JAKMIP2: variants seen among roughly 807,000 people sequenced by gnomAD.
JAKMIP2 encodes the protein janus kinase and microtubule-interacting protein 2.
JAKMIP2 carries 25 observed loss-of-function variants against 115.0 expected under a neutral mutation model. The observed-to-expected ratio is 0.22, with a 90% CI of 0.16 to 0.30. The LOEUF (loss-of-function observed/expected upper bound fraction) is 0.30, where lower values mean the gene tolerates loss of function less well. JAKMIP2 is among the 10% of genes least tolerant of loss of function. The pLI, the probability that JAKMIP2 is intolerant of heterozygous loss-of-function variation, is 1.00. For synonymous variants in JAKMIP2, 334 were observed against 343.6 expected (o/e 0.97, Z 0.31); for missense variants, 642 against 957.6 (o/e 0.67, Z 4.35).
intron 12 of JAKMIP2, among the ~76,000 whole-genome samples, chr5:147,634,314 A>AT (rs979967572): frequency 2.1e-4 from 32 of 152,144 alleles, no homozygotes; most frequent in East Asian, 5.8e-4. Context: ...ACGTAATGGG[A>AT]TTTTTTTTAT....
chr5:147,651,553 T>A (rs1304762210), intron 3 of JAKMIP2, among the ~76,000 whole-genome samples: 2 of 150,072 alleles, frequency 1.3e-5, no homozygotes, highest in Non-Finnish European at 1.5e-5. Context: ...TGTTTTGCTT[T>A]TTCTAAAAGT....
chr5:147,683,112 T>G (rs533974374), intron 1 of JAKMIP2, among the ~76,000 whole-genome samples: 1 of 152,216 alleles, frequency 6.6e-6, no homozygotes, highest in Non-Finnish European at 1.5e-5. Flanking sequence ...AGCAATTATG[T>G]ATTCAAGGTC....
chr5:147,711,647 T>C (rs1278576637), intron 1 of JAKMIP2, among the ~76,000 whole-genome samples: 2 of 152,258 alleles, frequency 1.3e-5, no homozygotes, highest in East Asian at 1.9e-4. Context: ...GTGTAAATCA[T>C]AGTGTGTAAC....
chr5:147,675,783 A>ATTT (rs1245892919), intron 1 of JAKMIP2, among the ~76,000 whole-genome samples: 453 of 99,076 alleles, frequency 4.6e-3, no homozygotes, highest in Non-Finnish European at 7.6e-3. Context: ...ATCATATGAC[A>ATTT]TTTTTTTTTT....
At chr5:147,609,688 T>C (rs1756212362) in intron 20 of JAKMIP2, among the ~76,000 whole-genome samples, 1 of 152,160 alleles carries the variant, frequency 6.6e-6, no homozygotes, top group Non-Finnish European at 1.5e-5. Flanking sequence ...ATCTTTGTGG[T>C]GTTCTCTGTA....
At chr5:147,752,003 A>G (rs1277796813) in intron 1 of JAKMIP2, among the ~76,000 whole-genome samples, 1 of 152,228 alleles carries the variant, frequency 6.6e-6, no homozygotes, top group Non-Finnish European at 1.5e-5. Flanking sequence ...TATAAAAGCA[A>G]CCAAATTAAT....
At chr5:147,778,401 A>G (rs542942372) in intron 1 of JAKMIP2, among the ~76,000 whole-genome samples, 1 of 152,244 alleles carries the variant, frequency 6.6e-6, no homozygotes, top group South Asian at 2.1e-4. Context: ...TACCTGAAAT[A>G]TTCAAATAAA....
chr5:147,703,715 G>A (rs1249020831), intron 1 of JAKMIP2, among the ~76,000 whole-genome samples: 1 of 151,240 alleles, frequency 6.6e-6, no homozygotes, highest in Non-Finnish European at 1.5e-5. Context: ...ATGAGCCACT[G>A]TGCTTGGCCT....
intron 1 of JAKMIP2, among the ~76,000 whole-genome samples, chr5:147,716,191 T>G (rs1279191599): frequency 1.5e-5 from 2 of 135,144 alleles, no homozygotes; most frequent in Non-Finnish European, 3.1e-5. Flanking sequence ...TTTTTATGGC[T>G]GCATAGTATT....
intron 1 of JAKMIP2, among the ~76,000 whole-genome samples, chr5:147,710,951 T>TTCTA (rs1561552139): frequency 5.9e-5 from 9 of 152,340 alleles, no homozygotes; most frequent in South Asian, 2.1e-4. Context: ...GGAATAAAAA[T>TTCTA]CTTTCTACTA....
intron 1 of JAKMIP2, among the ~76,000 whole-genome samples, chr5:147,765,556 G>A (rs771876694): frequency 2.3e-4 from 35 of 152,034 alleles, no homozygotes; most frequent in Admixed American, 7.9e-4. Context: ...GGAATCACTT[G>A]CTTTAAAGGT....
intron 1 of JAKMIP2, among the ~76,000 whole-genome samples, chr5:147,749,493 T>G (rs961202357): frequency 6.6e-6 from 1 of 152,198 alleles, no homozygotes; most frequent in African/African-American, 2.4e-5. Context: ...AGCTATTCCC[T>G]TACTCTTCTT....
chr5:147,712,179 C>T (rs1345518531), intron 1 of JAKMIP2, among the ~76,000 whole-genome samples: 1 of 152,156 alleles, frequency 6.6e-6, no homozygotes, highest in Non-Finnish European at 1.5e-5. Flanking sequence ...TTCTGGCCTG[C>T]CCTTCTTGTC....
At chr5:147,597,273 G>A (rs999108916) in intron 21 of JAKMIP2, among the ~76,000 whole-genome samples, 15 of 152,010 alleles carry the variant, frequency 9.9e-5, no homozygotes, top group African/African-American at 2.4e-5. Context: ...ATATTTGCAC[G>A]TTTTAACAAA....
intron 1 of JAKMIP2, among the ~76,000 whole-genome samples, chr5:147,689,949 C>G (rs908634932): frequency 6.6e-6 from 1 of 152,114 alleles, no homozygotes; most frequent in Non-Finnish European, 1.5e-5. Context: ...ATGTAAGTTA[C>G]ATAGTATGTT....
intron 1 of JAKMIP2, among the ~76,000 whole-genome samples, chr5:147,728,433 G>T (rs1378618945): frequency 6.6e-6 from 1 of 152,128 alleles, no homozygotes; most frequent in Non-Finnish European, 1.5e-5. Flanking sequence ...CCTTAATTTT[G>T]GGAGATCTGT....
At chr5:147,665,233 A>T (rs186842863) in intron 2 of JAKMIP2, among the ~76,000 whole-genome samples, 1 of 152,316 alleles carries the variant, frequency 6.6e-6, no homozygotes, top group Admixed American at 6.5e-5. Flanking sequence ...GGCTGCTTTC[A>T]TGCTACAATG....
intron 21 of JAKMIP2, chr5:147,595,573 C>T (rs1338322883): frequency 2.2e-6 from 1 of 454,272 alleles, no homozygotes; most frequent in Non-Finnish European, 4.4e-6. Context: ...TCATAAATTA[C>T]CTAGTCTCAG....
chr5:147,715,609 A>G (rs1033519210), intron 1 of JAKMIP2, among the ~76,000 whole-genome samples: 2 of 151,708 alleles, frequency 1.3e-5, no homozygotes, highest in Non-Finnish European at 2.9e-5. Context: ...TCCTCGGAAG[A>G]CATGCCAATT....
Sources: allele counts gnomAD v4.1 joint callset (sites outside exome capture counted in the v4.1 genomes callset), GRCh38; gene constraint gnomAD v4.1.1; transcripts MANE v1.5; gene names NCBI Gene and HGNC (gene_info 2026-07-23, HGNC 2026-07-21).